Variants in SGCZ observed in about 807,000 individuals in gnomAD.
SGCZ encodes the protein sarcoglycan zeta, also known as zeta-sarcoglycan.
SGCZ carries 40 observed loss-of-function variants against 41.3 expected under a neutral mutation model. The ratio of observed to expected loss-of-function variants is 0.97; its 90% CI spans 0.75 to 1.26. The LOEUF is 1.26. Among genes scored for constraint, SGCZ ranks in the 50% most tolerant of loss-of-function variants. SGCZ has a pLI of 0.00. For missense variants in SGCZ, 552 were observed against 369.8 expected (o/e 1.49, Z -4.04); for synonymous variants, 206 against 137.5 (o/e 1.50, Z -3.49).
At chr8:15,114,667 C>G (rs78757657) in intron 1 of SGCZ, among the ~76,000 whole-genome samples, 1 of 151,868 alleles carries the variant, frequency 6.6e-6, no homozygotes, top group African/African-American at 2.4e-5. Flanking sequence ...TGAACCCATA[C>G]AAATATTCAG....
chr8:14,334,226 A>G (rs1018795661), intron 2 of SGCZ, among the ~76,000 whole-genome samples: 1 of 152,092 alleles, frequency 6.6e-6, no homozygotes, highest in African/African-American at 2.4e-5. Context: ...AATTTCTTCT[A>G]GACTCATAAG....
intron 3 of SGCZ, among the ~76,000 whole-genome samples, chr8:14,280,165 C>T (rs1201151633): frequency 1.3e-5 from 2 of 151,976 alleles, no homozygotes; most frequent in Non-Finnish European, 2.9e-5. Context: ...CCATCACTGT[C>T]AATTATAATG....
chr8:15,129,514 A>T (rs1807821202), intron 1 of SGCZ, among the ~76,000 whole-genome samples: 1 of 152,116 alleles, frequency 6.6e-6, no homozygotes, highest in African/African-American at 2.4e-5. Context: ...TCACACATCC[A>T]CAATGGAAAG....
At chr8:14,237,188 C>T (rs1268428968) in intron 4 of SGCZ, among the ~76,000 whole-genome samples, 1 of 151,924 alleles carries the variant, frequency 6.6e-6, no homozygotes, top group African/African-American at 2.4e-5. Flanking sequence ...TTTCATAATT[C>T]AAGAGTAATG....
chr8:14,268,353 A>ATG (rs1182146072), intron 3 of SGCZ, among the ~76,000 whole-genome samples: 5 of 135,750 alleles, frequency 3.7e-5, no homozygotes, highest in Admixed American at 1.5e-4. Flanking sequence ...AAAAATATAT[A>ATG]TGTGTATATA....
chr8:14,418,316 G>C (rs905235077), intron 2 of SGCZ, among the ~76,000 whole-genome samples: 1 of 151,844 alleles, frequency 6.6e-6, no homozygotes, highest in Non-Finnish European at 1.5e-5. Flanking sequence ...GTAGAAAATG[G>C]GTTGGGTCTA....
At chr8:14,577,936 T>G (rs1445916044) in intron 1 of SGCZ, among the ~76,000 whole-genome samples, 1 of 152,166 alleles carries the variant, frequency 6.6e-6, no homozygotes. Context: ...AGTATAATCA[T>G]TGTTGATGTT....
intron 4 of SGCZ, among the ~76,000 whole-genome samples, chr8:14,222,324 C>G (rs965039147): frequency 6.6e-6 from 1 of 151,944 alleles, no homozygotes; most frequent in Non-Finnish European, 1.5e-5. Flanking sequence ...CACCCACCAC[C>G]ATACCCAACT....
At chr8:14,904,248 C>T (rs746075235) in intron 1 of SGCZ, among the ~76,000 whole-genome samples, 5 of 152,124 alleles carry the variant, frequency 3.3e-5, no homozygotes, top group South Asian at 2.1e-4. Context: ...TGGGAAAATA[C>T]GCTTGATTTC....
intron 5 of SGCZ, among the ~76,000 whole-genome samples, chr8:14,148,445 A>T (rs1027620649): frequency 6.6e-6 from 1 of 152,108 alleles, no homozygotes; most frequent in East Asian, 1.9e-4. Flanking sequence ...GAAATGGACA[A>T]ATTTCTAGAC....
chr8:14,368,370 G>C (rs985477024), intron 2 of SGCZ, among the ~76,000 whole-genome samples: 2 of 151,982 alleles, frequency 1.3e-5, no homozygotes, highest in African/African-American at 4.8e-5. Flanking sequence ...AATGCAGCCA[G>C]ATATTGGAAA....
chr8:14,177,111 T>C (rs983436746), intron 4 of SGCZ, among the ~76,000 whole-genome samples: 1 of 151,772 alleles, frequency 6.6e-6, no homozygotes, highest in Non-Finnish European at 1.5e-5. Flanking sequence ...AATCCTGGAG[T>C]GGTCAGCAAC....
intron 4 of SGCZ, among the ~76,000 whole-genome samples, chr8:14,215,985 G>T (rs180687561): frequency 6.6e-6 from 1 of 152,216 alleles, no homozygotes; most frequent in African/African-American, 2.4e-5. Flanking sequence ...CCTGAGGAGG[G>T]TGCTGTAAAA....
At chr8:14,291,571 T>G (rs1800844405) in intron 3 of SGCZ, among the ~76,000 whole-genome samples, 1 of 152,088 alleles carries the variant, frequency 6.6e-6, no homozygotes, top group Non-Finnish European at 1.5e-5. Flanking sequence ...TCTTTCAAGA[T>G]AGTTTTCACC....
At chr8:14,281,448 T>C (rs1800434443) in intron 3 of SGCZ, among the ~76,000 whole-genome samples, 1 of 118,640 alleles carries the variant, frequency 8.4e-6, no homozygotes, top group African/African-American at 2.6e-5. Context: ...AAGGTAGTGA[T>C]TCTTAATTTT....
At position 14,134,008 on chromosome 8, in the gene SGCZ, T is replaced by C. The variant is rs558666121; in HGVS notation, c.548-25773A>G. Among the ~76,000 whole-genome samples the C allele has an allele frequency of 3.2e-4, 48 of 152,314 alleles. 1 individual carries two copies. Among genetic ancestry groups the C allele is most frequent in the Admixed American group, 9.8e-4 (15 of 15,290 alleles). On this transcript the variant is annotated intron_variant, in intron 5 of 7. Transcript: ENST00000382080. The stretch of plus-strand genomic sequence containing the variant: ...TTCAAATTGATCCACCAGAATTCAG[T>C]ACATGAATATGCATCAGAATATGAT...
At chr8:14,743,594 A>C (rs1799258800) in intron 1 of SGCZ, among the ~76,000 whole-genome samples, 1 of 152,080 alleles carries the variant, frequency 6.6e-6, no homozygotes, top group African/African-American at 2.4e-5. Flanking sequence ...TCTATACATA[A>C]AGATACAGTA....
At chr8:14,969,059 T>C (rs747888493) in intron 1 of SGCZ, among the ~76,000 whole-genome samples, 1 of 152,146 alleles carries the variant, frequency 6.6e-6, no homozygotes, top group Non-Finnish European at 1.5e-5. Flanking sequence ...GTGTGATGGA[T>C]TGAGAAATAT....
chr8:14,560,541 T>C (rs1804177584), intron 1 of SGCZ, among the ~76,000 whole-genome samples: 1 of 152,044 alleles, frequency 6.6e-6, no homozygotes, highest in South Asian at 2.1e-4. Flanking sequence ...AGTTGGTCTC[T>C]GAAAATTCCA....
Sources: allele counts gnomAD v4.1 joint callset (sites outside exome capture counted in the v4.1 genomes callset), GRCh38; gene constraint gnomAD v4.1.1; transcripts MANE v1.5; gene names NCBI Gene and HGNC (gene_info 2026-07-23, HGNC 2026-07-21).